SLC25A21: variants seen among roughly 807,000 people sequenced by gnomAD.
The protein encoded by SLC25A21 is mitochondrial 2-oxodicarboxylate carrier.
A neutral mutation model predicts 43.8 loss-of-function variants in SLC25A21; 47 were observed. That is an observed-to-expected ratio of 1.07 (90% CI 0.85 to 1.37). The LOEUF (loss-of-function observed/expected upper bound fraction) is 1.37. SLC25A21 is among the 40% of genes most tolerant of loss of function. SLC25A21 has a pLI of 0.00. For missense variants in SLC25A21, 352 were observed against 350.2 expected (o/e 1.00, Z -0.04); for synonymous variants, 131 against 121.3 (o/e 1.08, Z -0.52).
chr14:37,037,564 T>C (rs143042529), intron 1 of SLC25A21, among the ~76,000 whole-genome samples: 201 of 140,048 alleles, frequency 1.4e-3, no homozygotes, highest in African/African-American at 5.8e-3. Context: ...TTTATATTCA[T>C]TGTTTTCTTT....
intron 2 of SLC25A21, among the ~76,000 whole-genome samples, chr14:36,829,679 A>C (rs1211789963): frequency 6.7e-6 from 1 of 149,562 alleles, no homozygotes; most frequent in African/African-American, 2.5e-5. Flanking sequence ...ATTCTCTAGG[A>C]GGTTATCCTT....
At chr14:36,979,323 G>GTTTGTTTT (rs1555340037) in intron 1 of SLC25A21, among the ~76,000 whole-genome samples, 1 of 123,756 alleles carries the variant, frequency 8.1e-6, no homozygotes, top group African/African-American at 6.2e-5. Context: ...TTAAGGTAGT[G>GTTTGTTTT]TTTTTTTGGT....
intron 1 of SLC25A21, among the ~76,000 whole-genome samples, chr14:37,066,168 A>G (rs1434708073): frequency 1.3e-5 from 2 of 152,198 alleles, no homozygotes; most frequent in Admixed American, 6.5e-5. Context: ...AGAAAAATAC[A>G]GTATCAAAAA....
chr14:36,932,383 T>C (rs1892317729), intron 1 of SLC25A21, among the ~76,000 whole-genome samples: 2 of 152,080 alleles, frequency 1.3e-5, no homozygotes, highest in African/African-American at 4.8e-5. Context: ...ACGGTGGAGG[T>C]AGGTTGTCCT....
chr14:37,005,544 G>A (rs1960583805), intron 1 of SLC25A21, among the ~76,000 whole-genome samples: 1 of 152,130 alleles, frequency 6.6e-6, no homozygotes, highest in African/African-American at 2.4e-5. Flanking sequence ...CACAGCATCT[G>A]TTAAAAATTG....
At position 36,680,196 on chromosome 14, in the gene SLC25A21, A is replaced by G. The variant is rs1882157628; in HGVS notation, c.*462T>C. On this transcript the variant is annotated 3_prime_UTR_variant, in exon 10 of 10. Transcript: ENST00000331299. The stretch of plus-strand genomic sequence containing the variant: ...TTAAATATTATTTATGGAATAATTT[A>G]ATTCATTATAAAAACTGCTTAAATT... The G allele has an allele frequency of 1.2e-6, 1 of 840,812 alleles. No homozygotes were observed. The highest frequency in any genetic ancestry group is 1.9e-5 in the African/African-American group (1 of 54,048). The allele number at this position is 840,812 out of a possible 1,614,324, so 52.1% of individuals were successfully genotyped here.
chr14:36,916,147 T>TCC (rs1891826225), intron 1 of SLC25A21, among the ~76,000 whole-genome samples: 1 of 152,208 alleles, frequency 6.6e-6, no homozygotes, highest in Admixed American at 6.5e-5. Flanking sequence ...ATTTCCTAGA[T>TCC]TCTCAGCAAC....
chr14:36,840,109 A>G (rs1889337937), intron 2 of SLC25A21, among the ~76,000 whole-genome samples: 1 of 152,232 alleles, frequency 6.6e-6, no homozygotes, highest in Non-Finnish European at 1.5e-5. Context: ...TCCACAGGGA[A>G]ACCAGAGCTC....
At chr14:36,702,490 A>T (rs1359299590) in intron 7 of SLC25A21, among the ~76,000 whole-genome samples, 4 of 150,816 alleles carry the variant, frequency 2.7e-5, no homozygotes, top group Non-Finnish European at 4.4e-5. Context: ...AAAAAAAAAA[A>T]AAAAAAGAAA....
chr14:36,736,036 C>T (rs1245833546), intron 3 of SLC25A21, among the ~76,000 whole-genome samples: 18 of 147,150 alleles, frequency 1.2e-4, no homozygotes, highest in Non-Finnish European at 2.1e-4. Context: ...CCCGGGTTCA[C>T]GCCATTCTCC....
chr14:36,913,866 T>C (rs758066054), intron 1 of SLC25A21, among the ~76,000 whole-genome samples: 5 of 152,216 alleles, frequency 3.3e-5, no homozygotes, highest in Non-Finnish European at 5.9e-5. Flanking sequence ...TCAGGAAATT[T>C]TGAATTATCA....
chr14:37,147,627 A>C (rs931867616), intron 1 of SLC25A21, among the ~76,000 whole-genome samples: 2 of 107,718 alleles, frequency 1.9e-5, no homozygotes, highest in Non-Finnish European at 3.8e-5. Flanking sequence ...TTTCACACTT[A>C]TTTCAGGTTT....
chr14:36,822,186 G>A (rs1888660316), intron 2 of SLC25A21, among the ~76,000 whole-genome samples: 1 of 152,204 alleles, frequency 6.6e-6, no homozygotes, highest in South Asian at 2.1e-4. Flanking sequence ...CATTGCCTTT[G>A]CTTGTTGCTT....
intron 1 of SLC25A21, among the ~76,000 whole-genome samples, chr14:37,128,538 C>CTCTCTCTGTGTG (rs1555348857): frequency 1.6e-5 from 2 of 122,706 alleles, no homozygotes; most frequent in African/African-American, 6.3e-5. Flanking sequence ...CTCTCTCTCT[C>CTCTCTCTGTGTG]TGTGTGTGTG....
intron 3 of SLC25A21, among the ~76,000 whole-genome samples, chr14:36,809,829 A>G (rs1340070311): frequency 6.6e-6 from 1 of 152,228 alleles, no homozygotes; most frequent in East Asian, 1.9e-4. Flanking sequence ...GACTAGTGCT[A>G]TCTTCCCTGC....
At chr14:36,801,464 G>A (rs1887866726) in intron 3 of SLC25A21, among the ~76,000 whole-genome samples, 1 of 152,082 alleles carries the variant, frequency 6.6e-6, no homozygotes, top group Admixed American at 6.6e-5. Context: ...CTTCCCACAA[G>A]ACTTAGCAAA....
Position 36,679,261 on chromosome 14 carries a change from G to T in SLC25A21, c.*1397C>A. The T allele has an allele frequency of 1.0e-6, 1 of 983,310 alleles. No homozygotes were observed. Among genetic ancestry groups the T allele is most frequent in the Non-Finnish European group, 1.2e-6 (1 of 828,144 alleles). The allele number at this position is 983,310 out of a possible 1,614,324, so 60.9% of individuals were successfully genotyped here. Reference sequence around the variant, plus strand: ...AAATATAAATTTTAAAAAACACGTTGGAAAGGATGTACAACAGAAGGCTAT... The same window carrying T: ...AAATATAAATTTTAAAAAACACGTTTGAAAGGATGTACAACAGAAGGCTAT... On this transcript the variant is annotated 3_prime_UTR_variant, in exon 10 of 10. Transcript: ENST00000331299.
At chr14:36,811,534 C>G (rs2138441500) in intron 3 of SLC25A21, among the ~76,000 whole-genome samples, 1 of 152,106 alleles carries the variant, frequency 6.6e-6, no homozygotes, top group Non-Finnish European at 1.5e-5. Context: ...ACCTGTAATC[C>G]CAGCTATTTT....
At chr14:36,913,636 T>C (rs981620268) in intron 1 of SLC25A21, among the ~76,000 whole-genome samples, 1 of 152,200 alleles carries the variant, frequency 6.6e-6, no homozygotes, top group Non-Finnish European at 1.5e-5. Flanking sequence ...CCACTGTTAA[T>C]TGGAGTAAAA....
Sources: gnomAD v4.1 joint callset for allele counts (sites outside exome capture counted in the v4.1 genomes callset) on GRCh38, gnomAD v4.1.1 for gene constraint, MANE v1.5 for transcripts, NCBI Gene and HGNC (gene_info 2026-07-23, HGNC 2026-07-21) for gene names.